THSD7B: variants seen among roughly 807,000 people sequenced by gnomAD.
THSD7B encodes thrombospondin type 1 domain containing 7B.
In THSD7B, 138 loss-of-function variants were observed where a neutral mutation model predicts 213.6. That is an observed-to-expected ratio of 0.65 (90% CI 0.56 to 0.74). THSD7B has a LOEUF of 0.74. THSD7B is among the 30% of genes least tolerant of loss of function. THSD7B has a pLI of 0.00. For synonymous variants in THSD7B, 742 were observed against 687.0 expected, an observed-to-expected ratio of 1.08 and a Z score of -1.25; for missense variants, 1,931 against 1,991.5, an observed-to-expected ratio of 0.97 and a Z score of 0.58.
At chr2:137,052,393 A>G (rs2104872659) in intron 2 of THSD7B, among the ~76,000 whole-genome samples, 1 of 152,256 alleles carries the variant, frequency 6.6e-6, no homozygotes, top group East Asian at 1.9e-4. Context: ...CAGTAGTCAA[A>G]CTTTTAATAC....
At chr2:137,487,425 AT>A (rs1252543746) in intron 15 of THSD7B, among the ~76,000 whole-genome samples, 1 of 146,450 alleles carries the variant, frequency 6.8e-6, no homozygotes. Context: ...GAGCAAACAC[AT>A]TCAAAAGCTA....
chr2:137,581,716 C>T (rs946822466), intron 17 of THSD7B, among the ~76,000 whole-genome samples: 257 of 147,940 alleles, frequency 1.7e-3, no homozygotes, highest in African/African-American at 5.9e-3. Flanking sequence ...GCCGAGATCC[C>T]GCCACTGCAC....
intron 1 of THSD7B, among the ~76,000 whole-genome samples, chr2:136,810,065 G>A (rs1682350466): frequency 6.6e-6 from 1 of 152,156 alleles, no homozygotes; most frequent in African/African-American, 2.4e-5. Context: ...TATGCTGGCT[G>A]TGCTCTGGGT....
At chr2:137,069,142 T>C (rs73958323) in intron 3 of THSD7B, among the ~76,000 whole-genome samples, 14,757 of 152,074 alleles carry the variant, frequency 0.097, 990 homozygotes, top group African/African-American at 0.19. Context: ...TAATTTTTCT[T>C]TTTCATTTTG....
intron 10 of THSD7B, among the ~76,000 whole-genome samples, chr2:137,259,299 C>A (rs1682385254): frequency 6.6e-6 from 1 of 152,200 alleles, no homozygotes; most frequent in African/African-American, 2.4e-5. Context: ...TATACTCCCA[C>A]CAAAAGTGTA....
At chr2:137,471,823 A>C (rs1174419705) in intron 15 of THSD7B, among the ~76,000 whole-genome samples, 2 of 152,278 alleles carry the variant, frequency 1.3e-5, no homozygotes, top group East Asian at 3.9e-4. Context: ...GAGGGTCAGA[A>C]AATGTTCTTC....
At chr2:137,310,819 A>G (rs1271726486) in intron 12 of THSD7B, among the ~76,000 whole-genome samples, 2 of 152,000 alleles carry the variant, frequency 1.3e-5, no homozygotes, top group African/African-American at 4.8e-5. Context: ...AGTTGTAGAT[A>G]TGCGGCGTTA....
intron 12 of THSD7B, among the ~76,000 whole-genome samples, chr2:137,292,625 T>G (rs77856790): frequency 6.6e-6 from 1 of 152,294 alleles, no homozygotes; most frequent in African/African-American, 2.4e-5. Context: ...GTAAGTACCT[T>G]TTCTTCCTTA....
At chr2:137,291,010 C>G (rs975578835) in intron 12 of THSD7B, among the ~76,000 whole-genome samples, 3 of 152,106 alleles carry the variant, frequency 2.0e-5, no homozygotes, top group Non-Finnish European at 4.4e-5. Context: ...AATCAACTGC[C>G]CAATAATTTT....
chr2:136,847,294 C>T (rs1683027199), intron 1 of THSD7B, among the ~76,000 whole-genome samples: 1 of 152,118 alleles, frequency 6.6e-6, no homozygotes, highest in African/African-American at 2.4e-5. Context: ...GTGGACTTTC[C>T]ATGATGGAAG....
rs183925383 is a variant in THSD7B, at chr2:137,084,414, G to C, written c.951-10459G>C. On this transcript the variant is annotated intron_variant, in intron 3 of 27. Coordinates refer to ENST00000409968, the MANE Select transcript of THSD7B (RefSeq NM_001316349.2). ...GAAAGTAGAAAGCTCTTCTTCAGTT[G>C]GAAGATGTTGAAGAAGCAAATCAAT... is the stretch of plus-strand genomic sequence containing the variant. 5.9e-3 allele frequency among the ~76,000 whole-genome samples: 899 copies of C among 152,274 alleles called. 1 individual carries two copies. The highest frequency in any genetic ancestry group is 9.0e-3 in the Non-Finnish European group (614 of 68,012).
chr2:137,555,969 G>A (rs1239984160), intron 15 of THSD7B, among the ~76,000 whole-genome samples: 2 of 152,176 alleles, frequency 1.3e-5, no homozygotes, highest in Non-Finnish European at 2.9e-5. Flanking sequence ...TGAATGAAAT[G>A]TAGCGAGAAG....
chr2:136,890,327 T>TCTCCTTCTCCTTCTCCTTCTCCTTCTC (rs1683799359), intron 2 of THSD7B, among the ~76,000 whole-genome samples: 1 of 12,974 alleles, frequency 7.7e-5, no homozygotes. Flanking sequence ...TTCTTCTTCT[T>TCTCCTTCTCCTTCTCCTTCTCCTTCTC]CTTCTTCTTC....
intron 20 of THSD7B, among the ~76,000 whole-genome samples, chr2:137,629,296 A>G (rs1253637041): frequency 1.3e-5 from 2 of 152,200 alleles, no homozygotes; most frequent in East Asian, 3.8e-4. Flanking sequence ...AAATCTGTTT[A>G]TTATTATTTT....
chr2:136,918,978 T>C (rs563662397), intron 2 of THSD7B, among the ~76,000 whole-genome samples: 1 of 152,356 alleles, frequency 6.6e-6, no homozygotes, highest in South Asian at 2.1e-4. Flanking sequence ...ATGCTCTTCA[T>C]GAAGGTGTTT....
At chr2:137,586,921 T>C (rs1158415377) in intron 17 of THSD7B, among the ~76,000 whole-genome samples, 1 of 152,248 alleles carries the variant, frequency 6.6e-6, no homozygotes, top group Non-Finnish European at 1.5e-5. Flanking sequence ...GAAAATATCC[T>C]GCAGAGTGTT....
chr2:137,329,728 A>T (rs1353400835), intron 12 of THSD7B, among the ~76,000 whole-genome samples: 1 of 152,186 alleles, frequency 6.6e-6, no homozygotes, highest in Non-Finnish European at 1.5e-5. Context: ...AGTTTGGAAA[A>T]TTTGCCTGAC....
chr2:137,675,541 A>C (rs951766002), intron 27 of THSD7B, among the ~76,000 whole-genome samples: 4 of 151,286 alleles, frequency 2.6e-5, no homozygotes, highest in African/African-American at 9.8e-5. Flanking sequence ...ACCTAAGGGA[A>C]GGTAAACAGC....
At chr2:136,926,680 C>T (rs555377277) in intron 2 of THSD7B, among the ~76,000 whole-genome samples, 119 of 143,872 alleles carry the variant, frequency 8.3e-4, no homozygotes, top group Middle Eastern at 6.9e-3. Flanking sequence ...GATGACAGAA[C>T]GAGACCTTAT....
Sources: allele counts gnomAD v4.1 joint callset (sites outside exome capture counted in the v4.1 genomes callset), GRCh38; gene constraint gnomAD v4.1.1; transcripts MANE v1.5; gene names NCBI Gene and HGNC (gene_info 2026-07-23, HGNC 2026-07-21).